SEPTIN10: variants seen among roughly 807,000 people sequenced by gnomAD.
The protein encoded by SEPTIN10 is septin 10, also known as septin-10.
SEPTIN10 carries 66 observed loss-of-function variants against 54.8 expected under a neutral mutation model. The ratio of observed to expected loss-of-function variants is 1.21; its 90% CI spans 0.99 to 1.48. SEPTIN10 has a LOEUF of 1.48. Among genes scored for constraint, SEPTIN10 ranks in the 40% most tolerant of loss-of-function variants. SEPTIN10 has a pLI of 0.00. For missense variants in SEPTIN10, 620 were observed against 545.6 expected, an observed-to-expected ratio of 1.14 and a Z score of -1.36; for synonymous variants, 161 against 181.0, an observed-to-expected ratio of 0.89 and a Z score of 0.89.
At chr2:109,595,624 T>C (rs1695144995) in intron 1 of SEPTIN10, among the ~76,000 whole-genome samples, 1 of 152,152 alleles carries the variant, frequency 6.6e-6, no homozygotes, top group East Asian at 1.9e-4. Flanking sequence ...GAAAGAGGTA[T>C]AAATCTAGAT....
chr2:109,585,952 C>A (rs1248656028), intron 2 of SEPTIN10, 114 bp from the exon 3 acceptor site: 8 of 688,536 alleles, frequency 1.2e-5, no homozygotes, highest in Non-Finnish European at 2.0e-5. Context: ...TTTTTATAAT[C>A]ATTATACCTC....
intron 1 of SEPTIN10, among the ~76,000 whole-genome samples, chr2:109,605,123 C>G (rs566597830): frequency 4.9e-4 from 74 of 152,176 alleles, no homozygotes; most frequent in African/African-American, 1.7e-3. Flanking sequence ...TCCATTGATT[C>G]CTTGAGACTT....
In SEPTIN10 at chr2:109,581,343, T is replaced by A. The variant is rs553985815; in HGVS notation, c.413+3783A>T. ...TCCCAGCTGTTTGGGAGGCTGAGGC[T>A]TGAGAATCACCTGAACCCAGGAGGC... is the stretch of plus-strand genomic sequence containing the variant. On this transcript the variant is annotated intron_variant, in intron 4 of 10. Transcript: ENST00000397712. Among the ~76,000 whole-genome samples, 6 of 151,948 alleles carry A rather than the reference T, an allele frequency of 3.9e-5. 1 individual carries two copies. The highest frequency in any genetic ancestry group is 1.4e-4 in the African/African-American group (6 of 41,442).
intron 4 of SEPTIN10, among the ~76,000 whole-genome samples, chr2:109,581,443 A>G (rs1334105600): frequency 2.0e-5 from 3 of 152,102 alleles, no homozygotes; most frequent in Admixed American, 6.6e-5. Flanking sequence ...TCTCAAAAAA[A>G]AAAACAAAAA....
rs185367411 is a variant in SEPTIN10 at position 109,571,205 on chromosome 2, A to C, written c.601-3229T>G. On this transcript the variant is annotated intron_variant, in intron 5 of 10. Coordinates refer to ENST00000397712, the MANE Select transcript of SEPTIN10 (RefSeq NM_144710.5). The stretch of plus-strand genomic sequence containing the variant: ...CCAGCCAGGCTTCTTGTACAGCCTA[A>C]GGAACTGTAAGTCAATTAAACCTCT... Among the ~76,000 whole-genome samples the C allele has an allele frequency of 2.8e-3, 425 of 152,348 alleles. 1 individual carries two copies. The highest frequency in any genetic ancestry group is 4.2e-3 in the Admixed American group (65 of 15,304).
At chr2:109,611,511 ATG>A (rs1699244920) in intron 1 of SEPTIN10, among the ~76,000 whole-genome samples, 1 of 152,160 alleles carries the variant, frequency 6.6e-6, no homozygotes, top group Non-Finnish European at 1.5e-5. Flanking sequence ...AATAGGCAAC[ATG>A]TTGGGAGGCT....
intron 1 of SEPTIN10, among the ~76,000 whole-genome samples, chr2:109,604,658 C>T (rs1307168231): frequency 1.4e-5 from 2 of 146,842 alleles, no homozygotes; most frequent in African/African-American, 2.5e-5. Context: ...ACCGGGGAGG[C>T]GGAGCTTACA....
chr2:109,610,037 C>G (rs6713646), intron 1 of SEPTIN10, among the ~76,000 whole-genome samples: 25,570 of 151,428 alleles, frequency 0.17, 2,524 homozygotes, highest in South Asian at 0.24. Flanking sequence ...TGACACAGAG[C>G]AGATCTCACA....
At chr2:109,572,776 C>G (rs994495476) in intron 5 of SEPTIN10, among the ~76,000 whole-genome samples, 1 of 151,896 alleles carries the variant, frequency 6.6e-6, no homozygotes, top group African/African-American at 2.4e-5. Context: ...GCCATCATGC[C>G]TGGCTAATTT....
chr2:109,587,483 A>G (rs763618803), intron 2 of SEPTIN10, among the ~76,000 whole-genome samples: 1 of 152,226 alleles, frequency 6.6e-6, no homozygotes, highest in Non-Finnish European at 1.5e-5. Flanking sequence ...AAATATCTAA[A>G]TAATAGTGAC....
chr2:109,589,374 A>T (rs1693414284), intron 2 of SEPTIN10, among the ~76,000 whole-genome samples: 2 of 151,940 alleles, frequency 1.3e-5, no homozygotes, highest in Admixed American at 6.6e-5. Flanking sequence ...CTCTACCAGA[A>T]ATACAAAAAT....
At chr2:109,582,551 G>A (rs1480170714) in intron 4 of SEPTIN10, among the ~76,000 whole-genome samples, 1 of 152,098 alleles carries the variant, frequency 6.6e-6, no homozygotes, top group East Asian at 1.9e-4. Flanking sequence ...CAAGACTCCT[G>A]AGCAAGCGAT....
chr2:109,603,085 A>C (rs866121582), intron 1 of SEPTIN10, among the ~76,000 whole-genome samples: 24 of 151,928 alleles, frequency 1.6e-4, no homozygotes, highest in Middle Eastern at 3.4e-3. Flanking sequence ...ACAAAACAAA[A>C]AAAACAAAAC....
In SEPTIN10 at chr2:109,596,418, CCATCCTGGCTAA is replaced by C. The variant is rs1173794234; in HGVS notation, c.31-3311_31-3300del. On this transcript the variant is annotated intron_variant, in intron 1 of 10. Transcript: ENST00000397712. ...GGATCATGAGGTCAGGAGATCAAGA[CCATCCTGGCTAA>C]CACAGTGAAACCCCGTCTCTACTAA... Among the ~76,000 whole-genome samples the C allele has an allele frequency of 8.6e-5, 13 of 151,988 alleles. No individual in the cohort carries two copies. The East Asian group carries it at 2.5e-3, about 29-fold the overall frequency.
chr2:109,613,687 G>T, intron 1 of SEPTIN10, 111 bp downstream of exon 1: 1 of 725,364 alleles, frequency 1.4e-6, no homozygotes, highest in Non-Finnish European at 1.9e-6. Context: ...GGGCCGGAGG[G>T]GGCGCGGGTC....
At chr2:109,589,708 T>C (rs1056315916) in intron 2 of SEPTIN10, among the ~76,000 whole-genome samples, 1 of 151,790 alleles carries the variant, frequency 6.6e-6, no homozygotes, top group Non-Finnish European at 1.5e-5. Flanking sequence ...CAGTTTCCTA[T>C]GAAGTTAAAC....
intron 4 of SEPTIN10, among the ~76,000 whole-genome samples, chr2:109,583,807 T>C (rs6735816): frequency 1.3e-5 from 2 of 152,038 alleles, no homozygotes; most frequent in Admixed American, 6.5e-5. Context: ...TACACAGCCA[T>C]AAAAAAGAAC....
At chr2:109,574,082 A>G (rs1308398567) in intron 5 of SEPTIN10, among the ~76,000 whole-genome samples, 2 of 152,172 alleles carry the variant, frequency 1.3e-5, no homozygotes, top group Non-Finnish European at 2.9e-5. Context: ...CCTTCTTTGC[A>G]TCTCATCTTC....
At chr2:109,613,414 T>A in intron 1 of SEPTIN10, 1 of 315,374 alleles carries the variant, frequency 3.2e-6, no homozygotes, top group South Asian at 2.7e-5. Context: ...GGCTCGGAAG[T>A]GCTCACGGCT....
Sources: gnomAD v4.1 joint callset for allele counts (sites outside exome capture counted in the v4.1 genomes callset) on GRCh38, gnomAD v4.1.1 for gene constraint, MANE v1.5 for transcripts, NCBI Gene and HGNC (gene_info 2026-07-23, HGNC 2026-07-21) for gene names.